The following GPC5 variants were observed in gnomAD, a reference collection of about 807,000 sequenced individuals.
GPC5 encodes the protein glypican 5.
In GPC5, 47 loss-of-function variants were observed where a neutral mutation model predicts 53.9. The ratio of observed to expected loss-of-function variants is 0.87; its 90% confidence interval spans 0.69 to 1.11. GPC5 has a LOEUF of 1.11. Among genes scored for constraint, GPC5 ranks in the 50% most tolerant of loss-of-function variants. The probability of loss-of-function intolerance (pLI) is 0.00; values close to 1 mark genes in which losing one functional copy is unlikely to be tolerated. For missense variants in GPC5, 748 were observed against 713.1 expected (o/e 1.05, Z -0.56); for synonymous variants, 286 against 263.3 (o/e 1.09, Z -0.84).
chr13:92,740,690 G>A (rs1302312288), intron 7 of GPC5, among the ~76,000 whole-genome samples: 10 of 151,858 alleles, frequency 6.6e-5, no homozygotes, highest in Admixed American at 4.6e-4. Flanking sequence ...TTGGTAGGAT[G>A]TCTACACATG....
At chr13:92,066,016 T>A in intron 6 of GPC5, among the ~76,000 whole-genome samples, 1 of 152,128 alleles carries the variant, frequency 6.6e-6, no homozygotes, top group East Asian at 1.9e-4. Flanking sequence ...GAGATTGTAC[T>A]TTATGTAACT....
At chr13:92,823,412 T>C (rs191425372) in intron 7 of GPC5, among the ~76,000 whole-genome samples, 5 of 152,262 alleles carry the variant, frequency 3.3e-5, no homozygotes, top group African/African-American at 9.6e-5. Flanking sequence ...TTTGCTATAA[T>C]ATAATTTAAT....
intron 7 of GPC5, among the ~76,000 whole-genome samples, chr13:92,711,949 T>G (rs758812989): frequency 4.6e-5 from 7 of 151,908 alleles, no homozygotes; most frequent in African/African-American, 1.7e-4. Context: ...TACTAAATGC[T>G]GTGTTAGCAG....
intron 7 of GPC5, among the ~76,000 whole-genome samples, chr13:92,854,718 T>C (rs1878937924): frequency 6.6e-6 from 1 of 151,994 alleles, no homozygotes; most frequent in Non-Finnish European, 1.5e-5. Context: ...GGATGAGAAA[T>C]CTAAAAGTTT....
intron 7 of GPC5, among the ~76,000 whole-genome samples, chr13:92,436,301 G>A (rs1475432280): frequency 2.0e-5 from 3 of 148,714 alleles, no homozygotes; most frequent in Admixed American, 1.3e-4. Context: ...TGTTTTATGT[G>A]TGTAAACAAA....
chr13:92,336,450 A>G (rs2043323668), intron 7 of GPC5, among the ~76,000 whole-genome samples: 1 of 152,178 alleles, frequency 6.6e-6, no homozygotes, highest in Non-Finnish European at 1.5e-5. Flanking sequence ...GAACAAAAAC[A>G]TATGAGAATT....
chr13:92,716,527 C>T (rs942407051), intron 7 of GPC5, among the ~76,000 whole-genome samples: 10 of 151,926 alleles, frequency 6.6e-5, no homozygotes, highest in African/African-American at 2.2e-4. Flanking sequence ...TTTTCTGTCT[C>T]CCTATTAGAC....
At chr13:92,625,780 T>G (rs7996342) in intron 7 of GPC5, among the ~76,000 whole-genome samples, 9,942 of 152,212 alleles carry the variant, frequency 0.065, 960 homozygotes, top group African/African-American at 0.21. Flanking sequence ...AAAGTCAAAA[T>G]TAAGTGTAGG....
At chr13:92,347,258 C>T (rs1485380183) in intron 7 of GPC5, among the ~76,000 whole-genome samples, 1 of 152,050 alleles carries the variant, frequency 6.6e-6, no homozygotes, top group African/African-American at 2.4e-5. Context: ...AATCAAACTA[C>T]CAAAAATCAA....
Position 91,977,709 on chromosome 13 carries a change from G to A in GPC5, c.1401+69652G>A, listed in dbSNP as rs550521966. ...CCCCCATAAAAGTGGTCATAGCCAA[G>A]AGAATTCTATGCAAACATACTTTGT... On this transcript the variant is annotated intron_variant, in intron 6 of 7. Transcript: ENST00000377067. 7.2e-5 allele frequency among the ~76,000 whole-genome samples: 11 copies of A among 152,290 alleles called. No homozygotes were observed. The South Asian group carries it at 2.3e-3, about 32-fold the overall frequency.
intron 7 of GPC5, among the ~76,000 whole-genome samples, chr13:92,224,250 A>C (rs904443836): frequency 9.9e-5 from 15 of 152,066 alleles, no homozygotes; most frequent in Non-Finnish European, 1.5e-5. Flanking sequence ...TGTTGAACCA[A>C]CCTCTCTCTT....
chr13:91,758,401 ATAC>A (rs2037339929), intron 5 of GPC5, among the ~76,000 whole-genome samples: 1 of 152,102 alleles, frequency 6.6e-6, no homozygotes, highest in South Asian at 2.1e-4. Flanking sequence ...TATGTTTAAT[ATAC>A]TACATTACAT....
At chr13:91,420,233 A>G (rs1878515885) in intron 1 of GPC5, among the ~76,000 whole-genome samples, 1 of 151,912 alleles carries the variant, frequency 6.6e-6, no homozygotes, top group South Asian at 2.1e-4. Context: ...GAGCTTTCAT[A>G]CTTGTGGGTT....
chr13:92,246,150 C>A (rs1453338096), intron 7 of GPC5, among the ~76,000 whole-genome samples: 1 of 152,090 alleles, frequency 6.6e-6, no homozygotes, highest in African/African-American at 2.4e-5. Context: ...TTGTACTACA[C>A]ATCACTCTAC....
intron 7 of GPC5, among the ~76,000 whole-genome samples, chr13:92,207,026 ATCT>A (rs1359065918): frequency 1.3e-5 from 2 of 152,020 alleles, no homozygotes; most frequent in Non-Finnish European, 2.9e-5. Flanking sequence ...CTTTTTGCCT[ATCT>A]TCTTATTCAT....
intron 6 of GPC5, among the ~76,000 whole-genome samples, chr13:92,080,797 G>A (rs754149566): frequency 5.9e-5 from 9 of 152,180 alleles, no homozygotes; most frequent in Admixed American, 2.0e-4. Flanking sequence ...ATACAAAGAA[G>A]TTTCTAACCA....
intron 7 of GPC5, among the ~76,000 whole-genome samples, chr13:92,756,414 C>T (rs1874875764): frequency 6.6e-6 from 1 of 151,460 alleles, no homozygotes; most frequent in Non-Finnish European, 1.5e-5. Flanking sequence ...CCTTTGAAAA[C>T]TGGCACAAGA....
chr13:91,839,553 A>G lies in GPC5; in HGVS notation c.1281-68384A>G, dbSNP rs141092560. ...AAAAATGTAATATTTTATATGTAATATTAAAAAAAATTATCAAGCAAATTG... is the reference window on the plus strand; with the variant it reads ...AAAAATGTAATATTTTATATGTAATGTTAAAAAAAATTATCAAGCAAATTG... On this transcript the variant is annotated intron_variant, in intron 5 of 7. Transcript: ENST00000377067. 5.2e-4 allele frequency among the ~76,000 whole-genome samples: 79 copies of G among 152,160 alleles called. 1 individual carries two copies. Among genetic ancestry groups the G allele is most frequent in the African/African-American group, 1.9e-3 (77 of 41,542 alleles).
At chr13:92,079,305 C>T (rs1359038635) in intron 6 of GPC5, among the ~76,000 whole-genome samples, 2 of 152,192 alleles carry the variant, frequency 1.3e-5, no homozygotes, top group African/African-American at 2.4e-5. Flanking sequence ...CCACCTCGGC[C>T]TCCCAATGTC....
Sources: gnomAD v4.1 joint callset for allele counts (sites outside exome capture counted in the v4.1 genomes callset) on GRCh38, gnomAD v4.1.1 for gene constraint, MANE v1.5 for transcripts, NCBI Gene and HGNC (gene_info 2026-07-23, HGNC 2026-07-21) for gene names.